DNAH1: variants seen among roughly 807,000 people sequenced by gnomAD.
DNAH1 encodes axonemal beta dynein heavy chain 1.
A neutral mutation model predicts 484.3 loss-of-function variants in DNAH1; 327 were observed. That is an observed-to-expected ratio of 0.68 (90% CI 0.62 to 0.74). The LOEUF is 0.74. Among genes scored for constraint, DNAH1 ranks in the 30% least tolerant of loss-of-function variants. The pLI is 0.00. For synonymous variants in DNAH1, 2,192 were observed against 2,191.9 expected (o/e 1.00, Z 0.00); for missense variants, 5,052 against 5,546.8 (o/e 0.91, Z 2.83).
At chr3:52,333,953 A>T (rs1438827948) in intron 8 of DNAH1, among the ~76,000 whole-genome samples, 2 of 152,232 alleles carry the variant, frequency 1.3e-5, no homozygotes, top group African/African-American at 4.8e-5. Context: ...AGTGCATTTT[A>T]AACTTATGAT....
intron 26 of DNAH1, 82 bp from the exon 27 acceptor site, chr3:52,359,834 G>A (rs906885760): frequency 3.8e-6 from 6 of 1,562,904 alleles, no homozygotes; most frequent in Non-Finnish European, 5.2e-6. Flanking sequence ...ACTGTTTGTG[G>A]CAGAAGCCCA....
Position 52,391,232 on chromosome 3 carries a change from C to T in DNAH1, c.9795C>T (p.Arg3265=). The T allele has an allele frequency of 6.2e-7, 1 of 1,613,894 alleles. No homozygotes were observed. ...VFKLSDRDFL[R]SMENAIRFGK... Reference sequence around the variant, plus strand: ...AGTTGAGTGACCGCGACTTCCTGCGCAGCATGGAGAACGCCATCCGCTTTG... The same window carrying T: ...AGTTGAGTGACCGCGACTTCCTGCGTAGCATGGAGAACGCCATCCGCTTTG... Residue 3265 remains arginine, a synonymous_variant, in exon 62 of 78, where the codon CGC becomes CGT. Coordinates refer to ENST00000420323, the MANE Select transcript of DNAH1 (RefSeq NM_015512.5).
upstream of DNAH1, among the ~76,000 whole-genome samples, chr3:52,313,015 G>A (rs569065897): frequency 4.6e-5 from 7 of 152,118 alleles, no homozygotes; most frequent in Middle Eastern, 3.4e-3. Flanking sequence ...TTGAACTCCC[G>A]AACTCAAATG....
Position 52,381,136 on chromosome 3 carries a change from C to T in DNAH1, c.7609-504C>T, listed in dbSNP as rs181301681. On this transcript the variant is annotated intron_variant, in intron 48 of 77. Coordinates refer to ENST00000420323, the MANE Select transcript of DNAH1 (RefSeq NM_015512.5). The surrounding 1 kb of genome is among the most constrained non-coding windows in gnomAD (Gnocchi z 4.1). ...GTGTGTATGTGACTGGGTCTTGCTC[C>T]ATCACCTAGGCTGGAGGGCAGTGGC... 6.6e-4 allele frequency among the ~76,000 whole-genome samples: 101 copies of T among 152,168 alleles called. 1 individual carries two copies. In the East Asian group the frequency reaches 0.018, roughly 27 times the overall value.
At chr3:52,346,834 A>T (rs543563456) in intron 11 of DNAH1, 64 bp downstream of exon 11, 1 of 1,522,190 alleles carries the variant, frequency 6.6e-7, no homozygotes, top group Non-Finnish European at 8.9e-7. Flanking sequence ...CTGGGGATGG[A>T]GCAGGGTCAG....
In DNAH1 at chr3:52,364,801, T is replaced by C. The variant is rs1292047450; in HGVS notation, c.5332-32T>C. The C allele has an allele frequency of 2.5e-6, 4 of 1,608,668 alleles. No individual in the cohort carries two copies. Among genetic ancestry groups the C allele is most frequent in the Non-Finnish European group, 2.6e-6 (3 of 1,176,126 alleles). On this transcript the variant is annotated intron_variant, in intron 33 of 77. Transcript: ENST00000420323. This position sits in a 1 kb window ranked among gnomAD's most constrained non-coding sequence, Gnocchi z 4.2. ...GGCAGCTGGAGGGCAGCTGGCCCAC[T>C]GCCCTGAAGGCTCAGCCGGCACCTG...
chr3:52,365,059 A>G, intron 34 of DNAH1, 40 bp downstream of exon 34: 2 of 1,578,992 alleles, frequency 1.3e-6, no homozygotes, highest in Admixed American at 1.7e-5. Flanking sequence ...GGGGCTGGCC[A>G]TGGCCACCTT....
chr3:52,356,144 C>G (rs937508314), intron 21 of DNAH1, among the ~76,000 whole-genome samples: 2 of 152,200 alleles, frequency 1.3e-5, no homozygotes, highest in Non-Finnish European at 2.9e-5. Flanking sequence ...GGAAATGGCT[C>G]ATTTTGAAGA....
upstream of DNAH1, among the ~76,000 whole-genome samples, chr3:52,313,956 C>G (rs191882875): frequency 1.2e-4 from 19 of 152,306 alleles, no homozygotes; most frequent in East Asian, 3.7e-3. Flanking sequence ...AGGCCTCCTG[C>G]CCCGTCCAGA....
chr3:52,372,770 A>G, intron 43 of DNAH1, 126 bp from the exon 44 acceptor site: 1 of 1,291,236 alleles, frequency 7.7e-7, no homozygotes, highest in South Asian at 1.5e-5. Context: ...CAAGGCATCT[A>G]GCAATTTGGA....
In DNAH1 at chr3:52,391,236, A is replaced by C. The variant is rs1172087248; in HGVS notation, c.9799A>C (p.Met3267Leu). 1 of 1,613,892 alleles carries C rather than the reference A, an allele frequency of 6.2e-7. No homozygotes were observed. Among genetic ancestry groups the C allele is most frequent in the African/African-American group, 1.3e-5 (1 of 75,038 alleles). Residue 3267 changes from methionine (M) to leucine (L), a missense_variant, in exon 62 of 78, where the codon ATG becomes CTG. Met to Leu is a conservative substitution (Grantham distance 15). Around this residue, in one of 4 missense-constraint regions of DNAH1, gnomAD observed 2,929 missense variants for 3,409.4 expected, o/e 0.86. Coordinates refer to ENST00000420323, the MANE Select transcript of DNAH1 (RefSeq NM_015512.5). ...GAGTGACCGCGACTTCCTGCGCAGC[A>C]TGGAGAACGCCATCCGCTTTGGCAA... ...KLSDRDFLRSMENAIRFGKPC... is the reference protein window; with the variant it reads ...KLSDRDFLRSLENAIRFGKPC...
At chr3:52,372,755 T>C in intron 43 of DNAH1, 141 bp from the exon 44 acceptor site, 1 of 1,102,892 alleles carries the variant, frequency 9.1e-7, no homozygotes, top group Admixed American at 2.7e-5. Context: ...AGGATGAGGG[T>C]GGGTCAAGGC....
intron 56 of DNAH1, among the ~76,000 whole-genome samples, chr3:52,387,932 G>A (rs749982629): frequency 1.2e-4 from 18 of 152,134 alleles, no homozygotes; most frequent in African/African-American, 2.2e-4. Flanking sequence ...TGAGACTGCC[G>A]CAGTGTCCCA....
At chr3:52,398,002 T>G in intron 74 of DNAH1, 30 bp from the exon 75 acceptor site, 1 of 1,607,548 alleles carries the variant, frequency 6.2e-7, no homozygotes, top group Non-Finnish European at 8.5e-7. Context: ...GGCCCAGCCT[T>G]GACCCCACAG....
chr3:52,350,153 G>A (rs764542732), intron 15 of DNAH1, 45 bp downstream of exon 15: 1 of 1,594,204 alleles, frequency 6.3e-7, no homozygotes, highest in South Asian at 1.1e-5. Flanking sequence ...GCACAGGGCT[G>A]GTGTTAAGAG....
intron 59 of DNAH1, among the ~76,000 whole-genome samples, chr3:52,389,138 A>G (rs1704253409): frequency 6.6e-6 from 1 of 152,186 alleles, no homozygotes; most frequent in South Asian, 2.1e-4. Flanking sequence ...ACAGCCAGAA[A>G]AGCCACCTAG....
rs1385758527 is a variant in DNAH1, at chr3:52,362,379, C to T, written c.4981-9C>T. The T allele has an allele frequency of 1.2e-6, 2 of 1,611,768 alleles. No individual in the cohort carries two copies. The highest frequency in any genetic ancestry group is 2.7e-5 in the African/African-American group (2 of 74,872). On this transcript the variant is annotated splice_polypyrimidine_tract_variant and intron_variant, in intron 30 of 77. Coordinates refer to ENST00000420323, the MANE Select transcript of DNAH1 (RefSeq NM_015512.5). The surrounding 1 kb of genome is among the most constrained non-coding windows in gnomAD (Gnocchi z 5.1). ...TAGTCCCAGGCAAGTCAGCCTCTCC[C>T]CACTGCAGGTGGAACGCTTCATGTT...
rs377384146 is a variant in DNAH1 at position 52,369,933 on chromosome 3, T to G, written c.6052T>G (p.Phe2018Val). 30 of 1,613,882 alleles carry G rather than the reference T, an allele frequency of 1.9e-5. No individual in the cohort carries two copies. The highest frequency in any genetic ancestry group is 2.5e-5 in the Non-Finnish European group (29 of 1,179,892). Residue 2018 changes from phenylalanine to valine, a missense_variant, in exon 38 of 78, where the codon TTC becomes GTC. Around this residue, in one of 4 missense-constraint regions of DNAH1, gnomAD observed 2,929 missense variants for 3,409.4 expected, o/e 0.86. Coordinates refer to ENST00000420323, the MANE Select transcript of DNAH1 (RefSeq NM_015512.5). ...GCCCAGCATCCTGGGGCTCATGCCC[T>G]TCATCGAGTGCTGGCTGAGGAAGCT... The part of the protein sequence containing the change: ...LEPSILGLMP[F>V]IECWLRKLPP...
Position 52,383,327 on chromosome 3 carries a change from T to C in DNAH1, c.7942-59T>C. 5 of 1,480,792 alleles carry C rather than the reference T, an allele frequency of 3.4e-6. No homozygotes were observed. In the South Asian group the frequency reaches 3.6e-5, roughly 11 times the overall value. The allele number at this position is 1,480,792 out of a possible 1,614,324, so 91.7% of individuals were successfully genotyped here. On this transcript the variant is annotated intron_variant, in intron 50 of 77. Transcript: ENST00000420323. ...AGCTGTTGTGAAGGTCCAGCGAGAC[T>C]GTGGTCATATAGTCCAACATGCAGG...
Sources: allele counts gnomAD v4.1 joint callset (sites outside exome capture counted in the v4.1 genomes callset), GRCh38; gene constraint gnomAD v4.1.1; regional missense constraint gnomAD v4.1.1; non-coding constraint Gnocchi (gnomAD v3.1); transcripts MANE v1.5; gene names NCBI Gene and HGNC (gene_info 2026-07-23, HGNC 2026-07-21).